Variants in MYH11 observed in about 807,000 individuals in gnomAD.
The protein encoded by MYH11 is myosin heavy chain 11.
MYH11 carries 80 observed loss-of-function variants against 246.6 expected under a neutral mutation model. That is an observed-to-expected ratio of 0.32 (90% confidence interval 0.27 to 0.39). The LOEUF is 0.39. MYH11 is among the 10% of genes least tolerant of loss of function. The pLI is 1.00. For missense variants in MYH11, 2,158 were observed against 2,546.8 expected (o/e 0.85, Z 3.29); for synonymous variants, 1,071 against 1,015.5 (o/e 1.05, Z -1.04).
intron 1 of MYH11, among the ~76,000 whole-genome samples, chr16:15,852,198 G>T (rs1371253344): frequency 2.6e-5 from 4 of 152,208 alleles, no homozygotes; most frequent in African/African-American, 7.2e-5. Context: ...TGATGATGAG[G>T]TGGGACAGTT....
intron 5 of MYH11, chr16:15,785,052 G>A (rs552496262): frequency 1.6e-4 from 30 of 185,760 alleles, no homozygotes; most frequent in Middle Eastern, 2.2e-3. Context: ...GTCTCACTAT[G>A]TCACCCAGGC....
At chr16:15,833,377 G>GAGGGAGGGAGGAAGGA (rs2043798556) in intron 2 of MYH11, among the ~76,000 whole-genome samples, 1 of 50,930 alleles carries the variant, frequency 2.0e-5, no homozygotes, top group African/African-American at 1.2e-4. Flanking sequence ...GAGAGGGAGG[G>GAGGGAGGGAGGAAGGA]AGGGAGGGAG....
chr16:15,760,326 G>A (rs1190294117), intron 11 of MYH11, among the ~76,000 whole-genome samples: 2 of 151,816 alleles, frequency 1.3e-5, no homozygotes, highest in East Asian at 1.9e-4. Flanking sequence ...GAGATGATGG[G>A]TGAGCAGATA....
At chr16:15,719,813 GT>G (rs1302086291) in intron 34 of MYH11, 100 bp from the exon 35 acceptor site, 2 of 1,530,276 alleles carry the variant, frequency 1.3e-6, no homozygotes, top group Non-Finnish European at 1.8e-6. Flanking sequence ...ATTTTCTGCA[GT>G]TGACCACAAA....
At chr16:15,780,045 A>T (rs2042310253) in intron 6 of MYH11, among the ~76,000 whole-genome samples, 1 of 152,244 alleles carries the variant, frequency 6.6e-6, no homozygotes. Flanking sequence ...GGCTGGTCAC[A>T]GGCAAGGCCC....
At chr16:15,735,610 C>A in intron 25 of MYH11, 32 bp from the exon 26 acceptor site, 1 of 1,612,448 alleles carries the variant, frequency 6.2e-7, no homozygotes, top group Non-Finnish European at 8.5e-7. Context: ...GAATGAACCC[C>A]CAGGTCCCTT....
chr16:15,763,741 T>TTCCC, intron 10 of MYH11, 55 bp downstream of exon 10: 1 of 646,860 alleles, frequency 1.5e-6, no homozygotes, highest in Non-Finnish European at 2.9e-6. Context: ...AAATGTCACC[T>TTCCC]CCCCCACCCC....
rs776746865 is a variant in MYH11, at chr16:15,721,539, G to T, written c.4461C>A (p.Ser1487=). ...AGGCCTCTTCAAGGGCCCGAGCCAG[G>T]GACAGGGCCTTGGTTTCCTTCTCCC... ...EAREKETKAL[S]LARALEEALE... The change falls in exon 32 of 41, where the codon TCC becomes TCA. Residue 1487 remains serine, a synonymous_variant. Transcript: ENST00000300036. 6.2e-7 allele frequency: 1 copy of T among 1,614,180 alleles called. No homozygotes were observed. Among genetic ancestry groups the T allele is most frequent in the South Asian group, 1.1e-5 (1 of 91,088 alleles).
intron 4 of MYH11, among the ~76,000 whole-genome samples, chr16:15,798,193 C>G (rs1019283210): frequency 2.0e-5 from 3 of 152,098 alleles, no homozygotes; most frequent in Non-Finnish European, 2.9e-5. Flanking sequence ...TGCCTATGTA[C>G]CTAGGTCTTC....
At chr16:15,797,292 T>C (rs1479742899) in intron 4 of MYH11, among the ~76,000 whole-genome samples, 1 of 152,176 alleles carries the variant, frequency 6.6e-6, no homozygotes, top group Non-Finnish European at 1.5e-5. Flanking sequence ...TCCTTCCAGA[T>C]AATTTCATGC....
intron 2 of MYH11, among the ~76,000 whole-genome samples, chr16:15,832,281 G>A (rs934042399): frequency 6.6e-6 from 1 of 152,142 alleles, no homozygotes; most frequent in African/African-American, 2.4e-5. Context: ...ATGAGCAGGG[G>A]GGCCCATCCA....
At chr16:15,768,255 C>T (rs2042026954) in intron 9 of MYH11, among the ~76,000 whole-genome samples, 1 of 152,218 alleles carries the variant, frequency 6.6e-6, no homozygotes, top group South Asian at 2.1e-4. Flanking sequence ...CAGGGATACA[C>T]AGGATGGACA....
chr16:15,715,129 T>TG, intron 39 of MYH11, 35 bp downstream of exon 39: 1 of 1,579,208 alleles, frequency 6.3e-7, no homozygotes, highest in Non-Finnish European at 8.7e-7. Context: ...GGCTGGGGGC[T>TG]GGGGGCTCGA....
chr16:15,822,494 C>A (rs2043440283), intron 3 of MYH11, among the ~76,000 whole-genome samples: 1 of 152,068 alleles, frequency 6.6e-6, no homozygotes, highest in Admixed American at 6.6e-5. Context: ...ACCAGTATAG[C>A]AAGATCCTGT....
In MYH11 at chr16:15,737,344, G is replaced by A. The variant is rs1017417619; in HGVS notation, c.3293+105C>T. ...CCTGGGAAACGAAGTTCATGCCAAG[G>A]GCCTGGGGCCGCCTTGACCAAGACA... On this transcript the variant is annotated intron_variant, in intron 25 of 40. Coordinates refer to ENST00000300036, the MANE Select transcript of MYH11 (RefSeq NM_002474.3). 7 of 1,496,902 alleles carry A rather than the reference G, an allele frequency of 4.7e-6. No individual in the cohort carries two copies. In the Admixed American group the frequency reaches 8.7e-5, roughly 19 times the overall value. 92.7% of individuals were successfully genotyped at this position (1,496,902 alleles called of 1,614,324 possible). A position where few individuals can be genotyped will look rare whatever the true frequency, so the allele number is the denominator to read the frequency against.
Position 15,837,810 on chromosome 16 carries a change from C to T in MYH11, c.345+98G>A, listed in dbSNP as rs370529709. The T allele has an allele frequency of 2.6e-5, 30 of 1,137,738 alleles. No individual in the cohort carries two copies. The African/African-American group carries it at 3.2e-4, about 12-fold the overall frequency. 70.5% of individuals were successfully genotyped at this position (1,137,738 alleles called of 1,614,324 possible). A position where few individuals can be genotyped will look rare whatever the true frequency, so the allele number is the denominator to read the frequency against. On this transcript the variant is annotated intron_variant, in intron 2 of 40. Transcript: ENST00000300036. ...TCGGCCTCCCAAAGTGCTGGGAGTA[C>T]AGGCATGAGCCACTGTGCCCAGCCC...
rs547239018 is a variant in MYH11, at chr16:15,845,277, A to G, written c.-17-7008T>C. 2.0e-5 allele frequency among the ~76,000 whole-genome samples: 3 copies of G among 148,724 alleles called. No homozygotes were observed. In the South Asian group the frequency reaches 6.5e-4, roughly 32 times the overall value. ...ATACAAATTCATAAACTTTCTTAAAACAGTATGATATTTTTTCGCGATTTT... is the reference window on the plus strand; with the variant it reads ...ATACAAATTCATAAACTTTCTTAAAGCAGTATGATATTTTTTCGCGATTTT... On this transcript the variant is annotated intron_variant, in intron 1 of 40. Coordinates refer to ENST00000300036, the MANE Select transcript of MYH11 (RefSeq NM_002474.3).
intron 40 of MYH11, chr16:15,714,507 G>A (rs375450455): frequency 3.0e-6 from 1 of 329,904 alleles, no homozygotes; most frequent in Non-Finnish European, 5.8e-6. Flanking sequence ...GTGCTGAGGG[G>A]GAGAAAGGAG....
At chr16:15,773,517 A>G (rs1020400739) in intron 8 of MYH11, among the ~76,000 whole-genome samples, 1 of 151,856 alleles carries the variant, frequency 6.6e-6, no homozygotes, top group Admixed American at 6.6e-5. Context: ...AACCCCTGAC[A>G]TCAGGTGATC....
Sources: allele counts gnomAD v4.1 joint callset (sites outside exome capture counted in the v4.1 genomes callset), GRCh38; gene constraint gnomAD v4.1.1; transcripts MANE v1.5; gene names NCBI Gene and HGNC (gene_info 2026-07-23, HGNC 2026-07-21).